The following TMEM117 variants were observed in gnomAD, a reference collection of about 807,000 sequenced individuals.
TMEM117 encodes the protein transmembrane protein 117.
Under a neutral mutation model 52.4 loss-of-function variants are expected in TMEM117, and 27 were observed. The ratio of observed to expected loss-of-function variants is 0.51; its 90% CI spans 0.38 to 0.71. The LOEUF is 0.71. TMEM117 is among the 30% of genes least tolerant of loss of function. TMEM117 has a pLI of 0.00. For missense variants in TMEM117, 556 were observed against 630.5 expected (o/e 0.88, Z 1.26); for synonymous variants, 215 against 206.3 (o/e 1.04, Z -0.36).
At position 43,948,014 on chromosome 12, in the gene TMEM117, C is replaced by A. The variant is rs1945161057; in HGVS notation, c.410+3672C>A. Among the ~76,000 whole-genome samples, 2 of 152,082 alleles carry A rather than the reference C, an allele frequency of 1.3e-5. 1 individual carries two copies. The highest frequency in any genetic ancestry group is 4.1e-4 in the South Asian group (2 of 4,830). On this transcript the variant is annotated intron_variant, in intron 3 of 7. Transcript: ENST00000266534. ...AAAAGAATCCCTAGGTTTATCTAGA[C>A]CGGAACCTCAAGAGTTTTTAGCCCA... is the stretch of plus-strand genomic sequence containing the variant.
rs780145861 is a variant in TMEM117 at position 43,916,639 on chromosome 12, A to G, written c.278-27571A>G. On this transcript the variant is annotated intron_variant, in intron 2 of 7. Coordinates refer to ENST00000266534, the MANE Select transcript of TMEM117 (RefSeq NM_032256.3). ...CGTCTTAGTCCATAGATCTTTGAAC[A>G]TTGTCAGAAGGAGAAACACAATGAA... Among the ~76,000 whole-genome samples, 12 of 152,166 alleles carry G rather than the reference A, an allele frequency of 7.9e-5. 1 individual carries two copies. Among genetic ancestry groups the G allele is most frequent in the African/African-American group, 1.4e-4 (6 of 41,446 alleles).
intron 5 of TMEM117, among the ~76,000 whole-genome samples, chr12:44,280,874 G>C (rs182438671): frequency 6.6e-6 from 1 of 151,442 alleles, no homozygotes; most frequent in African/African-American, 2.4e-5. Flanking sequence ...TCCCCACTGA[G>C]TTTACCAAAC....
At chr12:43,919,304 C>T (rs925197123) in intron 2 of TMEM117, among the ~76,000 whole-genome samples, 8 of 152,108 alleles carry the variant, frequency 5.3e-5, no homozygotes, top group Non-Finnish European at 1.0e-4. Context: ...TCTATTTCCC[C>T]GTCCAGAACC....
chr12:44,263,110 G>T (rs1217340241), intron 5 of TMEM117, among the ~76,000 whole-genome samples: 1 of 152,094 alleles, frequency 6.6e-6, no homozygotes, highest in African/African-American at 2.4e-5. Context: ...TAAATAGGCT[G>T]GTGTTTGAAA....
At chr12:44,363,998 C>T (rs916786238) in intron 6 of TMEM117, among the ~76,000 whole-genome samples, 1 of 152,058 alleles carries the variant, frequency 6.6e-6, no homozygotes, top group Non-Finnish European at 1.5e-5. Flanking sequence ...TGCTGATTTG[C>T]CAGCTTCTCC....
intron 3 of TMEM117, among the ~76,000 whole-genome samples, chr12:43,950,235 A>G (rs951710358): frequency 1.3e-5 from 2 of 152,218 alleles, no homozygotes; most frequent in African/African-American, 4.8e-5. Flanking sequence ...AGGATCATAG[A>G]TTCAAATGGC....
intron 3 of TMEM117, among the ~76,000 whole-genome samples, chr12:43,970,539 C>T (rs527359700): frequency 4.6e-5 from 7 of 152,248 alleles, no homozygotes; most frequent in Non-Finnish European, 8.8e-5. Context: ...CCGCCTGGCT[C>T]GGCCTCTCAA....
chr12:44,165,580 A>C (rs1272690748), intron 4 of TMEM117, among the ~76,000 whole-genome samples: 1 of 152,210 alleles, frequency 6.6e-6, no homozygotes, highest in Non-Finnish European at 1.5e-5. Context: ...GAGTAGCTAT[A>C]CTTAGATAAA....
chr12:44,135,455 A>G (rs1162814328), intron 3 of TMEM117, among the ~76,000 whole-genome samples: 1 of 152,214 alleles, frequency 6.6e-6, no homozygotes, highest in African/African-American at 2.4e-5. Flanking sequence ...ATATAAATTT[A>G]CATGCTGCAA....
At chr12:43,807,018 T>G in the TMEM117 span, among the ~76,000 whole-genome samples, 1 of 152,238 alleles carries the variant, frequency 6.6e-6, no homozygotes, top group Non-Finnish European at 1.5e-5. Flanking sequence ...AAAATTCACT[T>G]GGACAGATTT....
intron 3 of TMEM117, among the ~76,000 whole-genome samples, chr12:43,948,073 G>A (rs1412153487): frequency 6.6e-6 from 1 of 152,040 alleles, no homozygotes; most frequent in Non-Finnish European, 1.5e-5. Context: ...TCATTACAGT[G>A]GATTCCCTGA....
intron 3 of TMEM117, among the ~76,000 whole-genome samples, chr12:43,963,236 C>A (rs570272726): frequency 2.7e-4 from 41 of 151,218 alleles, no homozygotes; most frequent in Non-Finnish European, 5.5e-4. Flanking sequence ...ATATATATAT[C>A]TCTATGTGTA....
At chr12:43,891,879 A>G (rs551014514) in intron 2 of TMEM117, among the ~76,000 whole-genome samples, 2 of 152,242 alleles carry the variant, frequency 1.3e-5, no homozygotes, top group African/African-American at 4.8e-5. Context: ...CTTTCATTAG[A>G]AGTTTGCAAA....
At chr12:44,129,980 G>A (rs1037877910) in intron 3 of TMEM117, among the ~76,000 whole-genome samples, 2 of 151,970 alleles carry the variant, frequency 1.3e-5, no homozygotes, top group East Asian at 1.9e-4. Context: ...GCACAGCCTC[G>A]ATCATATTTC....
At chr12:43,833,278 G>A (rs1942992810), upstream of TMEM117, among the ~76,000 whole-genome samples, 1 of 152,202 alleles carries the variant, frequency 6.6e-6, no homozygotes, top group African/African-American at 2.4e-5. Context: ...CTGATGAACT[G>A]AAGTTGATTT....
chr12:43,862,475 G>C (rs2137400366), intron 2 of TMEM117, among the ~76,000 whole-genome samples: 1 of 152,332 alleles, frequency 6.6e-6, no homozygotes, highest in African/African-American at 2.4e-5. Flanking sequence ...TTTATTGTTT[G>C]AAGCCACTGA....
intron 1 of TMEM117, among the ~76,000 whole-genome samples, chr12:43,838,172 T>C (rs1447575970): frequency 6.6e-6 from 1 of 152,204 alleles, no homozygotes; most frequent in Non-Finnish European, 1.5e-5. Flanking sequence ...TGTAAAATGC[T>C]ATGTATAATC....
At chr12:44,073,566 C>T (rs1947336923) in intron 3 of TMEM117, 1 of 152,166 alleles carries the variant, frequency 6.6e-6, no homozygotes, top group South Asian at 2.1e-4. Context: ...ACAGATATGT[C>T]CTTATTTAAA....
chr12:44,168,354 T>C (rs1343481109), intron 4 of TMEM117, among the ~76,000 whole-genome samples: 2 of 152,200 alleles, frequency 1.3e-5, no homozygotes. Flanking sequence ...ATTGAAGCAA[T>C]AGAAAATATT....
Sources: allele counts gnomAD v4.1 joint callset (sites outside exome capture counted in the v4.1 genomes callset), GRCh38; gene constraint gnomAD v4.1.1; transcripts MANE v1.5; gene names NCBI Gene and HGNC (gene_info 2026-07-23, HGNC 2026-07-21).